Variants in ARHGAP44 observed in about 807,000 individuals in gnomAD.
ARHGAP44 encodes the protein rho GTPase-activating protein 44.
A neutral mutation model predicts 106.8 loss-of-function variants in ARHGAP44; 43 were observed. That is an observed-to-expected ratio of 0.40 (90% CI 0.32 to 0.52). ARHGAP44 has a LOEUF of 0.52. ARHGAP44 is among the 20% of genes least tolerant of loss of function. ARHGAP44 has a pLI of 0.48. For missense variants in ARHGAP44, 866 were observed against 1,050.5 expected (o/e 0.82, Z 2.43); for synonymous variants, 439 against 410.3 (o/e 1.07, Z -0.85).
At chr17:12,936,588 C>T (rs1008426111) in intron 7 of ARHGAP44, among the ~76,000 whole-genome samples, 5 of 152,326 alleles carry the variant, frequency 3.3e-5, no homozygotes, top group Admixed American at 6.5e-5. Flanking sequence ...TCTATCCACT[C>T]GCCTACTGAA....
At chr17:12,888,351 G>T (rs1048960810) in intron 1 of ARHGAP44, among the ~76,000 whole-genome samples, 1 of 152,004 alleles carries the variant, frequency 6.6e-6, no homozygotes, top group African/African-American at 2.4e-5. Flanking sequence ...ACCCTCCATG[G>T]ATTATTTAAA....
intron 1 of ARHGAP44, among the ~76,000 whole-genome samples, chr17:12,823,544 T>C (rs1024693800): frequency 6.6e-5 from 10 of 152,174 alleles, no homozygotes; most frequent in Admixed American, 6.5e-4. Context: ...CCACCTGTTC[T>C]AATAGAGAAG....
chr17:12,847,512 C>CTTTTTTTTTTTTTT (rs58514182), intron 1 of ARHGAP44, among the ~76,000 whole-genome samples: 1 of 125,488 alleles, frequency 8.0e-6, no homozygotes, highest in African/African-American at 3.2e-5. Flanking sequence ...TACCATCACT[C>CTTTTTTTTTTTTTT]TTTTTTTTTT....
chr17:12,906,210 C>A (rs905629012), intron 3 of ARHGAP44, among the ~76,000 whole-genome samples: 1 of 152,212 alleles, frequency 6.6e-6, no homozygotes, highest in East Asian at 1.9e-4. Context: ...GAAAAACAGA[C>A]TCTGTTTGTC....
intron 1 of ARHGAP44, among the ~76,000 whole-genome samples, chr17:12,816,538 AT>A (rs2150788169): frequency 6.6e-6 from 1 of 152,350 alleles, no homozygotes; most frequent in South Asian, 2.1e-4. Context: ...AAACTAAAAA[AT>A]TACTGCAAAT....
chr17:12,885,323 A>AGG (rs1049503833), intron 1 of ARHGAP44, among the ~76,000 whole-genome samples: 23 of 136,228 alleles, frequency 1.7e-4, no homozygotes, highest in African/African-American at 7.2e-4. Flanking sequence ...TTCACAGAGT[A>AGG]GGTGTGTGTG....
At chr17:12,887,282 C>T (rs563845687) in intron 1 of ARHGAP44, among the ~76,000 whole-genome samples, 12 of 152,240 alleles carry the variant, frequency 7.9e-5, no homozygotes, top group Middle Eastern at 3.4e-3. Flanking sequence ...GGCTGGAGTA[C>T]AAAGGAGTGA....
At chr17:12,858,861 A>G (rs2035984278) in intron 1 of ARHGAP44, among the ~76,000 whole-genome samples, 1 of 152,214 alleles carries the variant, frequency 6.6e-6, no homozygotes, top group Non-Finnish European at 1.5e-5. Flanking sequence ...TCATGGTGGA[A>G]GGTGAAAGGC....
intron 1 of ARHGAP44, among the ~76,000 whole-genome samples, chr17:12,791,871 G>A (rs1049882189): frequency 6.6e-6 from 1 of 152,178 alleles, no homozygotes; most frequent in Non-Finnish European, 1.5e-5. Context: ...ACTGGGCCAG[G>A]TGAGGGCCAG....
intron 16 of ARHGAP44, among the ~76,000 whole-genome samples, chr17:12,969,204 C>T (rs748014816): frequency 6.6e-6 from 1 of 152,218 alleles, no homozygotes; most frequent in Non-Finnish European, 1.5e-5. Flanking sequence ...CCTAGCATCT[C>T]TATCATGCTG....
intron 18 of ARHGAP44, among the ~76,000 whole-genome samples, chr17:12,975,795 C>CAAAAAAAAAAAAAA: frequency 1.4e-5 from 1 of 69,372 alleles, no homozygotes; most frequent in Non-Finnish European, 2.6e-5. Context: ...GACTCCGTCT[C>CAAAAAAAAAAAAAA]AAAAAAAAAA....
intron 1 of ARHGAP44, among the ~76,000 whole-genome samples, chr17:12,836,091 T>C (rs894585241): frequency 5.9e-5 from 9 of 152,178 alleles, no homozygotes; most frequent in Admixed American, 2.0e-4. Flanking sequence ...ATAATGCTGC[T>C]ATGAATATGG....
rs540632736 is a variant in ARHGAP44 at position 12,790,563 on chromosome 17, C to CA, written c.53+674dup. 2.3e-3 allele frequency: 352 copies of CA among 152,504 alleles called. 2 individuals are homozygous for CA. The highest frequency in any genetic ancestry group is 4.3e-3 in the Non-Finnish European group (296 of 68,280). 9.4% of individuals were successfully genotyped at this position (152,504 alleles called of 1,614,324 possible). A position where few individuals can be genotyped will look rare whatever the true frequency, so the allele number is the denominator to read the frequency against. On this transcript the variant is annotated intron_variant, in intron 1 of 20. Coordinates refer to ENST00000379672, the MANE Select transcript of ARHGAP44 (RefSeq NM_014859.6). ...GGAGGGAGGCTGCAAAAAGGAGGCC[C>CA]AAGTCCTCGGGAAGATGAGATAAGC...
At chr17:12,810,714 G>A (rs757852852) in intron 1 of ARHGAP44, among the ~76,000 whole-genome samples, 2 of 152,126 alleles carry the variant, frequency 1.3e-5, no homozygotes, top group Non-Finnish European at 2.9e-5. Context: ...GCAATTCCAC[G>A]AGGAATCCCC....
intron 1 of ARHGAP44, among the ~76,000 whole-genome samples, chr17:12,857,512 G>A (rs2035945997): frequency 6.6e-6 from 1 of 152,066 alleles, no homozygotes; most frequent in Non-Finnish European, 1.5e-5. Flanking sequence ...CCATCCTGAT[G>A]ACCTTATCTA....
At position 12,941,074 on chromosome 17, in the gene ARHGAP44, A is replaced by G; in HGVS notation, c.601A>G (p.Met201Val). 1 of 1,614,000 alleles carries G rather than the reference A, an allele frequency of 6.2e-7. No individual in the cohort carries two copies. Among genetic ancestry groups the G allele is most frequent in the Non-Finnish European group, 8.5e-7 (1 of 1,179,884 alleles). The change falls in exon 8 of 21, where the codon ATG becomes GTG. Residue 201 changes from methionine to valine, a missense_variant. Physicochemically the swap from Met to Val is conservative, Grantham distance 21. This residue lies in a region of ARHGAP44 where 448 missense variants were observed against 646.9 expected (regional missense o/e 0.69). Coordinates refer to ENST00000379672, the MANE Select transcript of ARHGAP44 (RefSeq NM_014859.6). ...TGCACAGGACCAGCTCTCAGCTGAT[A>G]TGTACAGTTTTGTGGCCAAAGAAAT... ...EICRDQLSAD[M>V]YSFVAKEIDY...
At chr17:12,947,420 T>C (rs1321594984) in intron 10 of ARHGAP44, among the ~76,000 whole-genome samples, 3 of 152,086 alleles carry the variant, frequency 2.0e-5, no homozygotes, top group African/African-American at 7.2e-5. Context: ...CCCTCTGGCC[T>C]CTGACCTAGG....
intron 1 of ARHGAP44, among the ~76,000 whole-genome samples, chr17:12,820,634 T>C (rs944146268): frequency 2.0e-5 from 3 of 152,140 alleles, no homozygotes; most frequent in African/African-American, 7.2e-5. Context: ...AGTAAGTCTG[T>C]GTTCCCTCAA....
intron 20 of ARHGAP44, chr17:12,987,185 G>A (rs997569161): frequency 2.6e-5 from 39 of 1,519,336 alleles, no homozygotes; most frequent in Non-Finnish European, 3.3e-5. Context: ...CCTCCACCCC[G>A]CTAGCTAGCC....
Sources: allele counts gnomAD v4.1 joint callset (sites outside exome capture counted in the v4.1 genomes callset), GRCh38; gene constraint gnomAD v4.1.1; regional missense constraint gnomAD v4.1.1; transcripts MANE v1.5; gene names NCBI Gene and HGNC (gene_info 2026-07-23, HGNC 2026-07-21).